BMP1: variants seen among roughly 807,000 people sequenced by gnomAD.
BMP1 encodes the protein bone morphogenetic protein 1, also known as mammalian tolloid protein.
A neutral mutation model predicts 116.8 loss-of-function variants in BMP1; 63 were observed. The observed-to-expected ratio is 0.54, with a 90% CI of 0.44 to 0.67. The LOEUF (loss-of-function observed/expected upper bound fraction) is 0.67. Among genes scored for constraint, BMP1 ranks in the 30% least tolerant of loss-of-function variants. BMP1 has a pLI of 0.00. For missense variants in BMP1, 1,183 were observed against 1,358.9 expected (o/e 0.87, Z 2.04); for synonymous variants, 536 against 533.4 (o/e 1.00, Z -0.07).
chr8:22,204,958 T>G (rs1829326373), intron 16 of BMP1, among the ~76,000 whole-genome samples: 1 of 152,060 alleles, frequency 6.6e-6, no homozygotes, highest in South Asian at 2.1e-4. Context: ...AGTGAGAGCG[T>G]GAGGCTGGAT....
In BMP1 at chr8:22,176,213, A is replaced by G. The variant is rs1469926038; in HGVS notation, c.333A>G (p.Arg111=). The change falls in exon 3 of 20, where the codon AGA becomes AGG. Residue 111 remains arginine (R), a synonymous_variant. Coordinates refer to ENST00000306385, the MANE Select transcript of BMP1 (RefSeq NM_006129.5). The part of the protein sequence containing the change: ...NGQPQRGACG[R]WRGRSRSRRA... ...AGCCTCAGAGGGGAGCCTGTGGGAG[A>G]TGGAGAGGTAGATCCCGTAGCCGGC... 1 of 1,613,976 alleles carries G rather than the reference A, an allele frequency of 6.2e-7. No individual in the cohort carries two copies. Among genetic ancestry groups the G allele is most frequent in the African/African-American group, 1.3e-5 (1 of 74,900 alleles).
chr8:22,176,089 T>C, intron 2 of BMP1, 54 bp from the exon 3 acceptor site: 1 of 1,574,186 alleles, frequency 6.4e-7, no homozygotes, highest in Non-Finnish European at 8.7e-7. Flanking sequence ...GACTATGCTT[T>C]TGCTTTCCTC....
intron 15 of BMP1, among the ~76,000 whole-genome samples, chr8:22,200,865 A>T (rs1403771648): frequency 6.6e-6 from 1 of 152,008 alleles, no homozygotes; most frequent in Non-Finnish European, 1.5e-5. Context: ...CCAACCCTCC[A>T]GGCCTTCTCC....
At chr8:22,169,033 G>A (rs965949304) in intron 1 of BMP1, among the ~76,000 whole-genome samples, 2 of 152,118 alleles carry the variant, frequency 1.3e-5, no homozygotes, top group African/African-American at 4.8e-5. Context: ...GCTGGGCATG[G>A]TGTCATGCAC....
In BMP1 at chr8:22,209,640, T is replaced by C. The variant is rs780567195; in HGVS notation, c.2771T>C (p.Leu924Pro). 6.2e-7 allele frequency: 1 copy of C among 1,614,002 alleles called. No homozygotes were observed. The highest frequency in any genetic ancestry group is 1.1e-5 in the South Asian group (1 of 91,072). ...ETDCGYDYME[L>P]FDGYDSTAPR... ...GACTGCGGCTATGACTACATGGAGCTCTTCGACGGCTACGACAGCACAGCC... is the reference window on the plus strand; with the variant it reads ...GACTGCGGCTATGACTACATGGAGCCCTTCGACGGCTACGACAGCACAGCC... The change falls in exon 19 of 20, where the codon CTC (leucine) becomes CCC (proline). Residue 924 changes from leucine (L) to proline (P), a missense_variant. Physicochemically the swap from Leu to Pro is moderately conservative, Grantham distance 98 (BLOSUM62 -3). Coordinates refer to ENST00000306385, the MANE Select transcript of BMP1 (RefSeq NM_006129.5).
intron 8 of BMP1, among the ~76,000 whole-genome samples, chr8:22,182,162 A>G (rs543796099): frequency 3.3e-5 from 5 of 152,296 alleles, no homozygotes; most frequent in African/African-American, 7.2e-5. Context: ...GCTGGATTCA[A>G]TTCTATTATT....
At chr8:22,206,767 G>A in intron 16 of BMP1, 87 bp from the exon 17 acceptor site, 2 of 1,560,410 alleles carry the variant, frequency 1.3e-6, no homozygotes, top group Non-Finnish European at 1.8e-6. Flanking sequence ...AGAAAGGAGG[G>A]GGGGCAGGAG....
rs1829371112 is a variant in BMP1 at position 22,206,960 on chromosome 8, C to A, written c.2340C>A (p.Thr780=). ...AGTGCACGTGGGCCATCTCCAGCAC[C>A]CCCGGGCACCGGGTCAAGCTGGTAA... is the stretch of plus-strand genomic sequence containing the variant. ...KKECTWAISS[T]PGHRVKLTFM... Residue 780 remains threonine, a synonymous_variant, in exon 17 of 20, where the codon ACC becomes ACA. Coordinates refer to ENST00000306385, the MANE Select transcript of BMP1 (RefSeq NM_006129.5). The A allele has an allele frequency of 6.2e-7, 1 of 1,614,212 alleles. No homozygotes were observed. Among genetic ancestry groups the A allele is most frequent in the Non-Finnish European group, 8.5e-7 (1 of 1,180,032 alleles).
At chr8:22,180,223 TA>T (rs1267700382) in intron 7 of BMP1, 144 bp from the exon 8 acceptor site, 4 of 695,760 alleles carry the variant, frequency 5.7e-6, no homozygotes, top group African/African-American at 1.8e-5. Context: ...GTGGATCTTA[TA>T]GGGGCAGGAC....
At position 22,177,738 on chromosome 8, in the gene BMP1, G is replaced by A. The variant is rs1400574579; in HGVS notation, c.731-114G>A. The stretch of plus-strand genomic sequence containing the variant: ...GCTGCTCCCCGGACCCTCAGGTAGG[G>A]GGACTCTCTCAGATACAGGAAGGAC... On this transcript the variant is annotated intron_variant, in intron 5 of 19. Transcript: ENST00000306385. The A allele has an allele frequency of 4.3e-5, 37 of 869,342 alleles. No individual in the cohort carries two copies. The East Asian group carries it at 8.9e-4, about 21-fold the overall frequency. 53.9% of individuals were successfully genotyped at this position (869,342 alleles called of 1,614,324 possible).
In BMP1 at chr8:22,209,653, C is replaced by A; in HGVS notation, c.2784C>A (p.Tyr928Ter). Residue 928 changes from tyrosine (Y) to a stop codon, truncating the protein, a stop_gained, in exon 19 of 20, where the codon TAC (tyrosine) becomes TAA (stop). Transcript: ENST00000306385. LOFTEE classifies it high-confidence loss of function. ...GYDYMELFDG[Y>*]DSTAPRLGRY... ...ACTACATGGAGCTCTTCGACGGCTA[C>A]GACAGCACAGCCCCCAGGCTGGGGC... 6.2e-7 allele frequency: 1 copy of A among 1,614,082 alleles called. No homozygotes were observed. Among genetic ancestry groups the A allele is most frequent in the East Asian group, 2.2e-5 (1 of 44,842 alleles).
chr8:22,203,923 CAG>C (rs1491556524), intron 16 of BMP1, among the ~76,000 whole-genome samples: 3 of 152,244 alleles, frequency 2.0e-5, no homozygotes, highest in African/African-American at 7.2e-5. Flanking sequence ...ATAGCCAGGA[CAG>C]GGGTGAAGCT....
rs200251109 is a variant in BMP1, at chr8:22,177,096, C to T, written c.687C>T (p.Asp229=). ...TCTGGCACGAACACACTCGGCCAGA[C>T]CGGGACCGCCACGTTTCCATCGTTC... The part of the protein sequence containing the change: ...VGFWHEHTRP[D]RDRHVSIVRE... Residue 229 remains aspartate, a synonymous_variant, in exon 5 of 20, where the codon GAC becomes GAT. Transcript: ENST00000306385. 6.2e-6 allele frequency: 10 copies of T among 1,611,646 alleles called. No individual in the cohort carries two copies. In the East Asian group the frequency reaches 2.0e-4, roughly 32 times the overall value.
intron 6 of BMP1, among the ~76,000 whole-genome samples, chr8:22,178,779 T>C (rs1586442601): frequency 6.6e-6 from 1 of 151,794 alleles, no homozygotes; most frequent in Non-Finnish European, 1.5e-5. Context: ...GTGTGGGAAA[T>C]GGCACCTCCC....
At chr8:22,187,750 CAA>C (rs757687278) in intron 8 of BMP1, among the ~76,000 whole-genome samples, 1 of 151,868 alleles carries the variant, frequency 6.6e-6, no homozygotes, top group Non-Finnish European at 1.5e-5. Flanking sequence ...TTCCAAATAC[CAA>C]AAAATCTTAA....
chr8:22,211,556 C>T, intron 19 of BMP1, 38 bp from the exon 20 acceptor site: 1 of 1,613,284 alleles, frequency 6.2e-7, no homozygotes, highest in Non-Finnish European at 8.5e-7. Context: ...GCCCCAGCCC[C>T]TCTTCCTCCA....
In BMP1 at chr8:22,201,145, G is replaced by A. The variant is rs776779036; in HGVS notation, c.2108-658G>A. ...AAGAGGCCAGCTCTGCAGCCCCCTCGGGGACGCCCCCACCAGCTCAAATTC... is the reference window on the plus strand; with the variant it reads ...AAGAGGCCAGCTCTGCAGCCCCCTCAGGGACGCCCCCACCAGCTCAAATTC... On this transcript the variant is annotated intron_variant, in intron 15 of 19. Transcript: ENST00000306385. The A allele has an allele frequency of 3.9e-5, 61 of 1,547,652 alleles. No individual in the cohort carries two copies. Among genetic ancestry groups the A allele is most frequent in the South Asian group, 3.8e-4 (34 of 89,488 alleles).
At chr8:22,188,186 T>TG (rs1388325392) in intron 8 of BMP1, among the ~76,000 whole-genome samples, 1 of 150,244 alleles carries the variant, frequency 6.7e-6, no homozygotes, top group Non-Finnish European at 1.5e-5. Context: ...GGTTTTTTTT[T>TG]TTTTTTTTTT....
Position 22,202,319 on chromosome 8 carries a change from C to T in BMP1, c.2233+391C>T, listed in dbSNP as rs76181286. On this transcript the variant is annotated intron_variant, in intron 16 of 19. Transcript: ENST00000306385. The stretch of plus-strand genomic sequence containing the variant: ...GCCCTGCCGCTTCACTAGCTGTGTG[C>T]CTTTGAGTGACTCCTTGACCCTCTC... 4.0e-4 allele frequency among the ~76,000 whole-genome samples: 61 copies of T among 152,322 alleles called. No individual in the cohort carries two copies. In the East Asian group the frequency reaches 9.7e-3, roughly 24 times the overall value.
Sources: allele counts gnomAD v4.1 joint callset (sites outside exome capture counted in the v4.1 genomes callset), GRCh38; gene constraint gnomAD v4.1.1; transcripts MANE v1.5; gene names NCBI Gene and HGNC (gene_info 2026-07-23, HGNC 2026-07-21).